The following BAIAP2 variants were observed in gnomAD, a reference collection of about 807,000 sequenced individuals.
BAIAP2 encodes BAR/IMD domain containing adaptor protein 2, also known as BAR/IMD domain-containing adapter protein 2.
In BAIAP2, 18 loss-of-function variants were observed where a neutral mutation model predicts 63.0. The observed-to-expected ratio is 0.29, with a 90% CI of 0.20 to 0.42. The LOEUF (loss-of-function observed/expected upper bound fraction) is 0.42. Among genes scored for constraint, BAIAP2 ranks in the 10% least tolerant of loss-of-function variants. The pLI is 1.00. For missense variants in BAIAP2, 610 were observed against 734.3 expected, an observed-to-expected ratio of 0.83 and a Z score of 1.96; for synonymous variants, 386 against 307.6, an observed-to-expected ratio of 1.25 and a Z score of -2.67.
Position 81,116,462 on chromosome 17 carries a change from G to GGTCCCA in BAIAP2, c.*624_*625insTCCCAG. The GGTCCCA allele has an allele frequency of 1.1e-6, 1 of 929,574 alleles. No individual in the cohort carries two copies. Among genetic ancestry groups the GGTCCCA allele is most frequent in the Non-Finnish European group, 1.6e-6 (1 of 630,110 alleles). The allele number at this position is 929,574 out of a possible 1,614,324, so 57.6% of individuals were successfully genotyped here. On this transcript the variant is annotated 3_prime_UTR_variant, in exon 14 of 14. Coordinates refer to ENST00000428708, the MANE Select transcript of BAIAP2 (RefSeq NM_001144888.2). ...CCCCAGGCCCCTCCTGCCTCGGGCA[G>GGTCCCA]GCCCCAGCCCTCCTCCTTACCCAAC... is the stretch of plus-strand genomic sequence containing the variant.
At chr17:81,083,378 C>T (rs1441339628) in intron 3 of BAIAP2, 2 of 152,288 alleles carry the variant, frequency 1.3e-5, no homozygotes, top group African/African-American at 4.8e-5. Context: ...AGGGGCGGCC[C>T]TCCTGCTCTG....
intron 3 of BAIAP2, among the ~76,000 whole-genome samples, chr17:81,082,340 C>T (rs905057250): frequency 9.9e-5 from 15 of 152,204 alleles, no homozygotes; most frequent in Admixed American, 2.0e-4. Context: ...GATACCTCCC[C>T]GGGGTCTGCA....
intron 3 of BAIAP2, among the ~76,000 whole-genome samples, chr17:81,067,791 A>G (rs997013260): frequency 6.6e-6 from 1 of 152,228 alleles, no homozygotes; most frequent in East Asian, 1.9e-4. Context: ...AGCCGGCCAG[A>G]GCAGGGAGGA....
In BAIAP2 at chr17:81,103,999, C is replaced by T; in HGVS notation, c.957C>T (p.Ala319=). The T allele has an allele frequency of 1.2e-6, 2 of 1,613,194 alleles. No individual in the cohort carries two copies. The highest frequency in any genetic ancestry group is 1.7e-6 in the Non-Finnish European group (2 of 1,180,024). ...DYSPWADRKA[A]QPKSLSPPQS... ...GCCCGTGGGCTGACCGCAAGGCTGCCCAGCCCAAATCCCTGTCTCCTCCGC... is the reference window on the plus strand; with the variant it reads ...GCCCGTGGGCTGACCGCAAGGCTGCTCAGCCCAAATCCCTGTCTCCTCCGC... Residue 319 remains alanine, a synonymous_variant, in exon 9 of 14, where the codon GCC becomes GCT. Coordinates refer to ENST00000428708, the MANE Select transcript of BAIAP2 (RefSeq NM_001144888.2).
At chr17:81,110,134 CT>C in intron 13 of BAIAP2, 26 of 985,626 alleles carry the variant, frequency 2.6e-5, no homozygotes, top group Non-Finnish European at 3.1e-5. Flanking sequence ...GTGGGAGCCC[CT>C]GGGAAGCTGC....
intron 3 of BAIAP2, among the ~76,000 whole-genome samples, chr17:81,070,455 C>A (rs939428618): frequency 6.6e-6 from 1 of 152,212 alleles, no homozygotes; most frequent in Non-Finnish European, 1.5e-5. Flanking sequence ...ACCCCTCTGC[C>A]CCGTCAGACC....
chr17:81,090,071 C>T (rs2056449135), intron 6 of BAIAP2, among the ~76,000 whole-genome samples: 2 of 152,272 alleles, frequency 1.3e-5, no homozygotes, highest in South Asian at 2.1e-4. Flanking sequence ...GCTGCTCCTC[C>T]CCACTCACCA....
chr17:81,106,114 G>C lies in BAIAP2; in HGVS notation c.1305G>C (p.Leu435Phe). 6.3e-7 allele frequency: 1 copy of C among 1,584,562 alleles called. No individual in the cohort carries two copies. Among genetic ancestry groups the C allele is most frequent in the South Asian group, 1.2e-5 (1 of 86,802 alleles). Reference sequence around the variant, plus strand: ...TTCCCTTCTCCTACACCCGGGTCTTGGACAGCGATGGCAGTGACAGGCTGC... The same window carrying C: ...TTCCCTTCTCCTACACCCGGGTCTTCGACAGCGATGGCAGTGACAGGCTGC... ...GWFPFSYTRVLDSDGSDRLHM... is the reference protein window; with the variant it reads ...GWFPFSYTRVFDSDGSDRLHM... Residue 435 changes from leucine to phenylalanine, a missense_variant, in exon 11 of 14, where the codon TTG becomes TTC. By Grantham distance (22) the Leu-to-Phe change is conservative. Transcript: ENST00000428708.
intron 3 of BAIAP2, among the ~76,000 whole-genome samples, chr17:81,082,420 A>C (rs2054794165): frequency 6.6e-6 from 1 of 152,082 alleles, no homozygotes; most frequent in South Asian, 2.1e-4. Context: ...TCGCAGGCAG[A>C]GGGTGAGCAA....
At chr17:81,050,194 C>T (rs1052651860) in intron 1 of BAIAP2, among the ~76,000 whole-genome samples, 2 of 152,206 alleles carry the variant, frequency 1.3e-5, no homozygotes, top group Admixed American at 6.5e-5. Context: ...CTGGCCCTTC[C>T]GCCCGCCCGG....
chr17:81,035,482 A>T (rs1425527666), intron 1 of BAIAP2, among the ~76,000 whole-genome samples, 174 bp downstream of exon 1: 3 of 147,784 alleles, frequency 2.0e-5, no homozygotes, highest in Non-Finnish European at 4.5e-5. Flanking sequence ...TGGGGTGGTG[A>T]GCCCGGCGCC....
chr17:81,092,728 C>T (rs914620596), intron 6 of BAIAP2, among the ~76,000 whole-genome samples: 1 of 152,148 alleles, frequency 6.6e-6, no homozygotes, highest in Non-Finnish European at 1.5e-5. Flanking sequence ...CACCTTCACT[C>T]CCCAGGACCG....
intron 12 of BAIAP2, chr17:81,107,200 G>A: frequency 5.4e-6 from 2 of 372,304 alleles, no homozygotes; most frequent in South Asian, 6.9e-5. Context: ...TGTCCAAGGG[G>A]GCAGCGTCTG....
chr17:81,103,442 G>A (rs1371555891), intron 7 of BAIAP2, 60 bp from the exon 8 acceptor site: 2 of 1,478,926 alleles, frequency 1.4e-6, no homozygotes, highest in Admixed American at 2.0e-5. Context: ...TCAGCGCTGT[G>A]CCTGGCTGCA....
At chr17:81,109,112 C>T (rs1291582121) in intron 13 of BAIAP2, 25 of 1,467,438 alleles carry the variant, frequency 1.7e-5, no homozygotes, top group Non-Finnish European at 2.2e-5. Context: ...TTTTCTTTTC[C>T]ACCTGCCCCA....
chr17:81,111,979 T>C (rs1053994418), intron 13 of BAIAP2, among the ~76,000 whole-genome samples: 1 of 152,244 alleles, frequency 6.6e-6, no homozygotes, highest in African/African-American at 2.4e-5. Flanking sequence ...TGGATCTGTC[T>C]TCTTTCACTG....
intron 3 of BAIAP2, among the ~76,000 whole-genome samples, chr17:81,071,747 G>A (rs891836056): frequency 1.3e-5 from 2 of 152,196 alleles, no homozygotes; most frequent in Non-Finnish European, 2.9e-5. Context: ...TGCCTTCTCC[G>A]CACCATCCCG....
intron 13 of BAIAP2, chr17:81,109,740 G>A (rs2146094919): frequency 1.0e-6 from 1 of 985,432 alleles, no homozygotes; most frequent in East Asian, 1.1e-4. Flanking sequence ...GGCACTGGCG[G>A]GAGCAAGGTC....
rs199869364 is a variant in BAIAP2, at chr17:81,057,998, G to A, written c.217+31G>A. Reference sequence around the variant, plus strand: ...ACCCCCCCCCCCCCCCCGCCTGGTAGTCGCCTGATGCCCTCAGGCAGCTCT... The same window carrying A: ...ACCCCCCCCCCCCCCCCGCCTGGTAATCGCCTGATGCCCTCAGGCAGCTCT... On this transcript the variant is annotated intron_variant, in intron 3 of 13. Coordinates refer to ENST00000428708, the MANE Select transcript of BAIAP2 (RefSeq NM_001144888.2). 57 of 1,324,828 alleles carry A rather than the reference G, an allele frequency of 4.3e-5. 2 individuals carry two copies. Among genetic ancestry groups the A allele is most frequent in the Non-Finnish European group, 5.6e-5 (55 of 983,646 alleles). The allele number at this position is 1,324,828 out of a possible 1,614,324, so 82.1% of individuals were successfully genotyped here.
Sources: gnomAD v4.1 joint callset for allele counts (sites outside exome capture counted in the v4.1 genomes callset) on GRCh38, gnomAD v4.1.1 for gene constraint, MANE v1.5 for transcripts, NCBI Gene and HGNC (gene_info 2026-07-23, HGNC 2026-07-21) for gene names.